The following KIAA1328 variants were observed in gnomAD, a reference collection of about 807,000 sequenced individuals.
The protein encoded by KIAA1328 is KIAA1328.
KIAA1328 carries 52 observed loss-of-function variants against 68.1 expected under a neutral mutation model. The ratio of observed to expected loss-of-function variants is 0.76; its 90% confidence interval spans 0.61 to 0.96. KIAA1328 has a LOEUF of 0.96. KIAA1328 is among the 40% of genes least tolerant of loss of function. The pLI, the probability that KIAA1328 is intolerant of heterozygous loss-of-function variation, is 0.00. For missense variants in KIAA1328, 641 were observed against 677.6 expected (o/e 0.95, Z 0.60); for synonymous variants, 232 against 239.4 (o/e 0.97, Z 0.28).
chr18:37,202,067 A>G (rs1443261545), intron 9 of KIAA1328, among the ~76,000 whole-genome samples: 2 of 152,224 alleles, frequency 1.3e-5, no homozygotes, highest in Non-Finnish European at 2.9e-5. Context: ...CTATATTGCC[A>G]TAAAATAAGA....
chr18:36,904,906 A>G lies in KIAA1328; in HGVS notation c.448+19234A>G, dbSNP rs182378587. Among the ~76,000 whole-genome samples the G allele has an allele frequency of 8.6e-4, 131 of 152,080 alleles. 1 individual carries two copies. Among genetic ancestry groups the G allele is most frequent in the Non-Finnish European group, 7.1e-4 (48 of 67,964 alleles). On this transcript the variant is annotated intron_variant, in intron 5 of 9. Transcript: ENST00000280020. The stretch of plus-strand genomic sequence containing the variant: ...TTAGTGGTTGCTGTAAGGCGTATCT[A>G]TACACCTTTAACAAATCAATTAACC...
rs537227225 is a variant in KIAA1328, at chr18:36,945,399, C to A, written c.449-13909C>A. On this transcript the variant is annotated intron_variant, in intron 5 of 9. Transcript: ENST00000280020. ...GAGTTTAGACAATAACCGCCCCCCC[C>A]ACGAAGTTACTTAATTTTTCTCTGA... Among the ~76,000 whole-genome samples the A allele has an allele frequency of 1.5e-4, 23 of 152,178 alleles. 1 individual carries two copies. In the South Asian group the frequency reaches 1.7e-3, roughly 11 times the overall value.
chr18:37,134,631 A>G (rs2058601540), intron 7 of KIAA1328, among the ~76,000 whole-genome samples: 1 of 152,194 alleles, frequency 6.6e-6, no homozygotes, highest in Non-Finnish European at 1.5e-5. Context: ...CTATATTCTC[A>G]TGAGAGAATG....
At chr18:37,032,908 C>T (rs935279045) in intron 6 of KIAA1328, among the ~76,000 whole-genome samples, 3 of 151,932 alleles carry the variant, frequency 2.0e-5, no homozygotes, top group East Asian at 1.9e-4. Context: ...CCCAAAGTGC[C>T]GAGATTACAG....
intron 5 of KIAA1328, among the ~76,000 whole-genome samples, chr18:36,957,691 A>G (rs1359268025): frequency 6.6e-6 from 1 of 151,940 alleles, no homozygotes; most frequent in Non-Finnish European, 1.5e-5. Flanking sequence ...ATCAAATTAT[A>G]CTCTCTTTAT....
chr18:36,854,444 A>G (rs1779037013), intron 4 of KIAA1328, among the ~76,000 whole-genome samples: 1 of 152,170 alleles, frequency 6.6e-6, no homozygotes, highest in Non-Finnish European at 1.5e-5. Flanking sequence ...AAAATACAAT[A>G]CTACTGACTC....
chr18:36,863,705 A>G (rs2047646944), intron 4 of KIAA1328, among the ~76,000 whole-genome samples: 1 of 152,044 alleles, frequency 6.6e-6, no homozygotes, highest in Non-Finnish European at 1.5e-5. Context: ...GCTTTTTGTA[A>G]TTTTCAGGAT....
At chr18:37,088,971 C>T (rs761666036) in intron 7 of KIAA1328, among the ~76,000 whole-genome samples, 3 of 152,000 alleles carry the variant, frequency 2.0e-5, no homozygotes, top group African/African-American at 7.2e-5. Flanking sequence ...TCCTTCTAAA[C>T]CTTTCTTTAT....
intron 4 of KIAA1328, among the ~76,000 whole-genome samples, chr18:36,849,071 T>C (rs1434897882): frequency 6.6e-6 from 1 of 151,832 alleles, no homozygotes; most frequent in Admixed American, 6.6e-5. Flanking sequence ...TTCTAACCAG[T>C]TTTTTAGTGT....
chr18:37,203,812 CT>C (rs758996149), intron 9 of KIAA1328, among the ~76,000 whole-genome samples: 241 of 142,188 alleles, frequency 1.7e-3, no homozygotes, highest in Non-Finnish European at 1.6e-3. Context: ...AACCCAGATT[CT>C]TTTTTTTTTT....
At chr18:36,924,394 T>C (rs755171210) in intron 5 of KIAA1328, among the ~76,000 whole-genome samples, 13 of 151,982 alleles carry the variant, frequency 8.6e-5, no homozygotes, top group Non-Finnish European at 1.8e-4. Context: ...GACATTTGAA[T>C]GCTATTTAGA....
chr18:36,913,290 G>A (rs952025713), intron 5 of KIAA1328, among the ~76,000 whole-genome samples: 4 of 151,746 alleles, frequency 2.6e-5, no homozygotes, highest in Non-Finnish European at 5.9e-5. Flanking sequence ...AAGCCAAGGT[G>A]GGAGGATCAC....
chr18:36,924,306 C>G (rs957982856), intron 5 of KIAA1328, among the ~76,000 whole-genome samples: 9 of 152,096 alleles, frequency 5.9e-5, no homozygotes, highest in East Asian at 1.9e-4. Flanking sequence ...GGAGCTCACT[C>G]TCTAACAGCC....
chr18:37,157,909 G>C (rs1267960889), intron 7 of KIAA1328, among the ~76,000 whole-genome samples: 1 of 149,546 alleles, frequency 6.7e-6, no homozygotes, highest in Non-Finnish European at 1.5e-5. Context: ...TTCTCTTATA[G>C]AATGATATTT....
At chr18:37,015,673 T>C (rs183862067) in intron 6 of KIAA1328, among the ~76,000 whole-genome samples, 1 of 152,328 alleles carries the variant, frequency 6.6e-6, no homozygotes, top group East Asian at 1.9e-4. Context: ...TTGTGATTTC[T>C]TTCTGCAGTG....
intron 5 of KIAA1328, among the ~76,000 whole-genome samples, chr18:36,947,919 G>C (rs2050967698): frequency 6.6e-6 from 1 of 152,096 alleles, no homozygotes; most frequent in Non-Finnish European, 1.5e-5. Flanking sequence ...CAGAGAGACT[G>C]CTTTGCCAGT....
intron 6 of KIAA1328, among the ~76,000 whole-genome samples, chr18:37,015,537 AATGAC>A (rs1288154743): frequency 2.2e-4 from 33 of 152,134 alleles, no homozygotes; most frequent in African/African-American, 7.7e-4. Context: ...TTATGTGAAA[AATGAC>A]ATGACTAGTT....
Position 36,943,067 on chromosome 18 carries a change from C to T in KIAA1328, c.449-16241C>T, listed in dbSNP as rs1244672135. Among the ~76,000 whole-genome samples, 4 of 152,176 alleles carry T rather than the reference C, an allele frequency of 2.6e-5. No individual in the cohort carries two copies. In the East Asian group the frequency reaches 7.7e-4, roughly 29 times the overall value. ...GCCCATCAGACATCTTTATGTAAAA[C>T]ACTTGGTGTGCACTGAAGGAGCTAA... On this transcript the variant is annotated intron_variant, in intron 5 of 9. Coordinates refer to ENST00000280020, the MANE Select transcript of KIAA1328 (RefSeq NM_020776.3).
chr18:37,148,131 A>G lies in KIAA1328; in HGVS notation c.1233-12069A>G, dbSNP rs569147341. On this transcript the variant is annotated intron_variant, in intron 7 of 9. Coordinates refer to ENST00000280020, the MANE Select transcript of KIAA1328 (RefSeq NM_020776.3). ...TTTTCCTAATGCTCTCCCTCCCCCC[A>G]CCACACCTCCCAACAGGCCCCACGG... 9.8e-4 allele frequency among the ~76,000 whole-genome samples: 149 copies of G among 151,658 alleles called. 2 individuals are homozygous for G. The highest frequency in any genetic ancestry group is 3.6e-3 in the African/African-American group (147 of 41,332).
Sources: gnomAD v4.1 joint callset for allele counts (sites outside exome capture counted in the v4.1 genomes callset) on GRCh38, gnomAD v4.1.1 for gene constraint, MANE v1.5 for transcripts, NCBI Gene and HGNC (gene_info 2026-07-23, HGNC 2026-07-21) for gene names.